Variants in ETV6 observed in about 807,000 individuals in gnomAD.
The protein encoded by ETV6 is ETS variant transcription factor 6.
In ETV6, 16 loss-of-function variants were observed where a neutral mutation model predicts 51.1. The observed-to-expected ratio is 0.31, with a 90% CI of 0.21 to 0.48. ETV6 has a LOEUF of 0.48. Among genes scored for constraint, ETV6 ranks in the 20% least tolerant of loss-of-function variants. The probability of loss-of-function intolerance (pLI) is 0.99; values close to 1 mark genes in which losing one functional copy is unlikely to be tolerated. For synonymous variants in ETV6, 240 were observed against 224.1 expected, an observed-to-expected ratio of 1.07 and a Z score of -0.64; for missense variants, 458 against 594.8, an observed-to-expected ratio of 0.77 and a Z score of 2.39.
chr12:11,816,449 T>C (rs1340380706), intron 2 of ETV6, among the ~76,000 whole-genome samples: 1 of 152,150 alleles, frequency 6.6e-6, no homozygotes, highest in Admixed American at 6.5e-5. Context: ...GGTTTCACCA[T>C]GTTAGCCAGG....
At chr12:11,718,624 AT>A (rs1865324523) in intron 1 of ETV6, among the ~76,000 whole-genome samples, 1 of 150,270 alleles carries the variant, frequency 6.7e-6, no homozygotes, top group Non-Finnish European at 1.5e-5. Context: ...AAAAAAAAAA[AT>A]TAGTTGGGCA....
chr12:11,857,785 G>C (rs1033452315), intron 4 of ETV6, among the ~76,000 whole-genome samples: 1 of 152,174 alleles, frequency 6.6e-6, no homozygotes, highest in African/African-American at 2.4e-5. Context: ...CAGATCATAA[G>C]GGCTAAGTTT....
At chr12:11,847,796 G>A (rs1031024165) in intron 3 of ETV6, among the ~76,000 whole-genome samples, 2 of 152,140 alleles carry the variant, frequency 1.3e-5, no homozygotes, top group African/African-American at 4.8e-5. Context: ...AGGGAGGAGA[G>A]AAACAGGAGC....
At chr12:11,856,731 C>G (rs1946637834) in intron 4 of ETV6, among the ~76,000 whole-genome samples, 1 of 152,054 alleles carries the variant, frequency 6.6e-6, no homozygotes, top group African/African-American at 2.4e-5. Context: ...TAAATTGTTT[C>G]CAGAATCAAT....
intron 2 of ETV6, among the ~76,000 whole-genome samples, chr12:11,800,880 C>T (rs1945738417): frequency 1.3e-5 from 2 of 152,052 alleles, no homozygotes; most frequent in African/African-American, 2.4e-5. Flanking sequence ...ACCAGTCTCA[C>T]AGTCTCAGCA....
intron 1 of ETV6, among the ~76,000 whole-genome samples, chr12:11,724,998 A>G (rs4763720): frequency 0.38 from 57,261 of 151,888 alleles, 10,920 homozygotes; most frequent in East Asian, 0.45. Flanking sequence ...TGGGAAGTGT[A>G]TAGTTTTATG....
chr12:11,830,210 G>A (rs973507557), intron 2 of ETV6, among the ~76,000 whole-genome samples: 2 of 152,128 alleles, frequency 1.3e-5, no homozygotes, highest in African/African-American at 4.8e-5. Context: ...AGCAGTATTC[G>A]GGATCTGCAG....
chr12:11,652,746 A>G (rs1591586053), intron 1 of ETV6, among the ~76,000 whole-genome samples: 1 of 152,216 alleles, frequency 6.6e-6, no homozygotes, highest in South Asian at 2.1e-4. Context: ...GCTCTGCTAG[A>G]AAAGAGTAGT....
chr12:11,739,054 T>C (rs988419654), intron 1 of ETV6, among the ~76,000 whole-genome samples: 1 of 151,932 alleles, frequency 6.6e-6, no homozygotes, highest in South Asian at 2.1e-4. Context: ...TCTAGGGAAA[T>C]TTGTTAGGTA....
Position 11,885,953 on chromosome 12 carries a change from A to G in ETV6, c.1180A>G (p.Met394Val). ...KNRTNMTYEK[M>V]SRALRHYYKL... Reference sequence around the variant, plus strand: ...CAGAACAAACATGACCTATGAGAAAATGTCCAGAGCCCTGCGCCACTACTA... The same window carrying G: ...CAGAACAAACATGACCTATGAGAAAGTGTCCAGAGCCCTGCGCCACTACTA... The change falls in exon 7 of 8, where the codon ATG becomes GTG. Residue 394 changes from methionine (M) to valine (V), a missense_variant. Coordinates refer to ENST00000396373, the MANE Select transcript of ETV6 (RefSeq NM_001987.5). 1 of 1,614,020 alleles carries G rather than the reference A, an allele frequency of 6.2e-7. No homozygotes were observed. Among genetic ancestry groups the G allele is most frequent in the Non-Finnish European group, 8.5e-7 (1 of 1,179,884 alleles).
chr12:11,842,918 C>T (rs1591713405), intron 3 of ETV6, among the ~76,000 whole-genome samples: 3 of 152,008 alleles, frequency 2.0e-5, no homozygotes, highest in Admixed American at 6.5e-5. Flanking sequence ...ATTTTTAAAG[C>T]AAGCAATGCC....
rs189991119 is a variant in ETV6, at chr12:11,876,594, G to A, written c.1009+6625G>A. Among the ~76,000 whole-genome samples, 200 of 152,256 alleles carry A rather than the reference G, an allele frequency of 1.3e-3. 2 individuals carry two copies. The highest frequency in any genetic ancestry group is 7.3e-3 in the South Asian group (35 of 4,814). ...AAAACTCTGCTGAGGAAGAAGATTCGTTGGTACACTGACAATTGTTTTATA... is the reference window on the plus strand; with the variant it reads ...AAAACTCTGCTGAGGAAGAAGATTCATTGGTACACTGACAATTGTTTTATA... On this transcript the variant is annotated intron_variant, in intron 5 of 7. Transcript: ENST00000396373.
chr12:11,650,301 C>A, intron 1 of ETV6, 141 bp downstream of exon 1: 3 of 752,898 alleles, frequency 4.0e-6, no homozygotes, highest in East Asian at 2.5e-5. Context: ...GAAAGAGATG[C>A]AGCTCGCGGT....
chr12:11,848,509 A>C (rs963846485), intron 3 of ETV6, among the ~76,000 whole-genome samples: 1 of 152,260 alleles, frequency 6.6e-6, no homozygotes, highest in East Asian at 1.9e-4. Flanking sequence ...TCCATTTGGA[A>C]CACATTACAA....
intron 1 of ETV6, among the ~76,000 whole-genome samples, chr12:11,682,455 T>C (rs745905275): frequency 1.3e-5 from 2 of 152,242 alleles, no homozygotes; most frequent in Admixed American, 6.5e-5. Context: ...TTCTAGATTC[T>C]GGATATTAGC....
chr12:11,859,142 T>C (rs1483264394), intron 4 of ETV6, among the ~76,000 whole-genome samples: 13 of 106,516 alleles, frequency 1.2e-4, no homozygotes, highest in South Asian at 7.2e-4. Context: ...TTTTTTTTTT[T>C]TTTTTTTTTT....
chr12:11,811,560 A>C (rs1202021547), intron 2 of ETV6, among the ~76,000 whole-genome samples: 4 of 151,972 alleles, frequency 2.6e-5, no homozygotes, highest in Non-Finnish European at 5.9e-5. Context: ...ATTTCACCAG[A>C]GCATTTAGCA....
At chr12:11,684,743 G>A (rs1015815379) in intron 1 of ETV6, among the ~76,000 whole-genome samples, 4 of 152,058 alleles carry the variant, frequency 2.6e-5, no homozygotes, top group Non-Finnish European at 5.9e-5. Flanking sequence ...TAAAGCTAAC[G>A]GTCATGTTTT....
intron 3 of ETV6, among the ~76,000 whole-genome samples, chr12:11,848,652 A>G (rs973492102): frequency 2.0e-5 from 3 of 152,232 alleles, no homozygotes; most frequent in African/African-American, 7.2e-5. Context: ...CCAGGAGTAT[A>G]TCTAGATTTT....
Sources: gnomAD v4.1 joint callset for allele counts (sites outside exome capture counted in the v4.1 genomes callset) on GRCh38, gnomAD v4.1.1 for gene constraint, MANE v1.5 for transcripts, NCBI Gene and HGNC (gene_info 2026-07-23, HGNC 2026-07-21) for gene names.